The following LRRK1 variants were observed in gnomAD, a reference collection of about 807,000 sequenced individuals.
LRRK1 encodes the protein leucine rich repeat kinase 1, also known as leucine-rich repeat serine/threonine-protein kinase 1.
In LRRK1, 113 loss-of-function variants were observed where a neutral mutation model predicts 209.1. That is an observed-to-expected ratio of 0.54 (90% CI 0.46 to 0.63). LRRK1 has a LOEUF of 0.63. Ranked by LOEUF, LRRK1 falls within the 30% of genes least tolerant of loss-of-function variation. The pLI, the probability that LRRK1 is intolerant of heterozygous loss-of-function variation, is 0.00. For missense variants in LRRK1, 2,284 were observed against 2,632.2 expected, an observed-to-expected ratio of 0.87 and a Z score of 2.89; for synonymous variants, 1,144 against 1,099.7, an observed-to-expected ratio of 1.04 and a Z score of -0.80.
chr15:101,056,012 C>T (rs2035773755), intron 27 of LRRK1, among the ~76,000 whole-genome samples: 1 of 152,158 alleles, frequency 6.6e-6, no homozygotes, highest in Non-Finnish European at 1.5e-5. Flanking sequence ...AAAGGCAAAT[C>T]AGAGCAACAA....
chr15:100,976,154 T>C (rs988384137), intron 3 of LRRK1, among the ~76,000 whole-genome samples: 3 of 151,802 alleles, frequency 2.0e-5, no homozygotes, highest in East Asian at 3.8e-4. Flanking sequence ...CTTTCAACCA[T>C]GAAGGAAATA....
chr15:101,027,542 C>A lies in LRRK1; in HGVS notation c.2527-96C>A. On this transcript the variant is annotated intron_variant, in intron 18 of 33. Transcript: ENST00000388948. The surrounding 1 kb of genome is among the most constrained non-coding windows in gnomAD (Gnocchi z 5.1). The stretch of plus-strand genomic sequence containing the variant: ...TGGAAGATAGTGGGTGGAAACGTCC[C>A]ACCCCCTCAGGCCACAGGGGCCGGG... 1 of 1,513,792 alleles carries A rather than the reference C, an allele frequency of 6.6e-7. No homozygotes were observed. Among genetic ancestry groups the A allele is most frequent in the South Asian group, 1.3e-5 (1 of 79,608 alleles). 93.8% of individuals were successfully genotyped at this position (1,513,792 alleles called of 1,614,324 possible). A position where few individuals can be genotyped will look rare whatever the true frequency, so the allele number is the denominator to read the frequency against.
intron 2 of LRRK1, among the ~76,000 whole-genome samples, chr15:100,954,372 A>T (rs756568110): frequency 1.1e-4 from 17 of 152,134 alleles, no homozygotes; most frequent in Non-Finnish European, 2.2e-4. Flanking sequence ...CTATTAAATC[A>T]TATGGGTTCT....
rs566430782 is a variant in LRRK1, at chr15:101,043,902, A to T, written c.2964-2079A>T. The T allele has an allele frequency of 2.6e-5, 4 of 152,320 alleles. No individual in the cohort carries two copies. In the East Asian group the frequency reaches 7.7e-4, roughly 29 times the overall value. 9.4% of individuals were successfully genotyped at this position (152,320 alleles called of 1,614,324 possible). A position where few individuals can be genotyped will look rare whatever the true frequency, so the allele number is the denominator to read the frequency against. ...CATGGGAACAGCCACTGACAAATAC[A>T]TGTAAAATACTCAGAACAGTGTCTC... On this transcript the variant is annotated intron_variant, in intron 20 of 33. Transcript: ENST00000388948.
rs1417149517 is a variant in LRRK1 at position 100,983,587 on chromosome 15, C to T, written c.321C>T (p.Leu107=). The part of the protein sequence containing the change: ...YGDLEMVRYL[L]SKRLVELPTE... ...ATCTGGAGATGGTCCGCTACCTACT[C>T]AGCAAGAGACTGGTGGAGCTGCCCA... is the stretch of plus-strand genomic sequence containing the variant. The change falls in exon 4 of 34, where the codon CTC becomes CTT. Residue 107 remains leucine, a synonymous_variant. Transcript: ENST00000388948. 1 of 1,612,254 alleles carries T rather than the reference C, an allele frequency of 6.2e-7. No homozygotes were observed. The highest frequency in any genetic ancestry group is 1.1e-5 in the South Asian group (1 of 90,872).
At chr15:100,972,357 AGAGAGAGTGTGTGT>A (rs1019396088) in intron 2 of LRRK1, among the ~76,000 whole-genome samples, 5 of 95,972 alleles carry the variant, frequency 5.2e-5, no homozygotes, top group East Asian at 8.8e-4. Flanking sequence ...AGAGAGAGAG[AGAGAGAGTGTGTGT>A]GTGTGTGTGT....
chr15:100,970,257 C>T (rs2030775215), intron 2 of LRRK1, among the ~76,000 whole-genome samples: 1 of 152,184 alleles, frequency 6.6e-6, no homozygotes, highest in African/African-American at 2.4e-5. Flanking sequence ...GATTCCATGA[C>T]TTTGCTATTG....
At chr15:101,054,174 C>G (rs999265125) in intron 26 of LRRK1, among the ~76,000 whole-genome samples, 5 of 152,118 alleles carry the variant, frequency 3.3e-5, no homozygotes, top group Admixed American at 6.5e-5. Flanking sequence ...GGCCTTTCAC[C>G]CTGTTGCCCA....
Position 101,027,579 on chromosome 15 carries a change from C to A in LRRK1, c.2527-59C>A. The A allele has an allele frequency of 6.3e-7, 1 of 1,582,472 alleles. No individual in the cohort carries two copies. The highest frequency in any genetic ancestry group is 8.6e-7 in the Non-Finnish European group (1 of 1,164,786). Reference sequence around the variant, plus strand: ...CCACAGGGGCCGGGCAGGATCTGCCCAAGCTGGCAGGTGTGCCTTGGGACC... The same window carrying A: ...CCACAGGGGCCGGGCAGGATCTGCCAAAGCTGGCAGGTGTGCCTTGGGACC... On this transcript the variant is annotated intron_variant, in intron 18 of 33. Coordinates refer to ENST00000388948, the MANE Select transcript of LRRK1 (RefSeq NM_024652.6). The surrounding 1 kb of genome is among the most constrained non-coding windows in gnomAD (Gnocchi z 5.1).
intron 2 of LRRK1, among the ~76,000 whole-genome samples, chr15:100,931,274 A>G (rs1280998710): frequency 6.6e-6 from 1 of 152,196 alleles, no homozygotes; most frequent in East Asian, 1.9e-4. Flanking sequence ...CCTCCATTCA[A>G]CATCCAGCAC....
intron 3 of LRRK1, among the ~76,000 whole-genome samples, chr15:100,976,731 A>C (rs1056279799): frequency 1.3e-5 from 2 of 152,228 alleles, no homozygotes; most frequent in Non-Finnish European, 2.9e-5. Flanking sequence ...ATGTGTAAGG[A>C]TGTTCATTCA....
At chr15:100,961,982 AT>A (rs557788823) in intron 2 of LRRK1, among the ~76,000 whole-genome samples, 47 of 152,316 alleles carry the variant, frequency 3.1e-4, no homozygotes, top group African/African-American at 1.1e-3. Flanking sequence ...ACCTGTGCCA[AT>A]TTTTGTTCCA....
At position 101,076,141 on chromosome 15, in the gene LRRK1, C is replaced by T. The variant is rs1409454073; in HGVS notation, c.*7293C>T. Reference sequence around the variant, plus strand: ...GACCGCACCCTGTAGACCTTCTGTCCAAACAACTTGACCTTACTGTTTTAG... The same window carrying T: ...GACCGCACCCTGTAGACCTTCTGTCTAAACAACTTGACCTTACTGTTTTAG... On this transcript the variant is annotated 3_prime_UTR_variant, in exon 34 of 34. Coordinates refer to ENST00000388948, the MANE Select transcript of LRRK1 (RefSeq NM_024652.6). The T allele has an allele frequency of 1.3e-5, 2 of 152,158 alleles. No individual in the cohort carries two copies. Among genetic ancestry groups the T allele is most frequent in the Non-Finnish European group, 2.9e-5 (2 of 68,036 alleles). 9.4% of individuals were successfully genotyped at this position (152,158 alleles called of 1,614,324 possible). A position where few individuals can be genotyped will look rare whatever the true frequency, so the allele number is the denominator to read the frequency against.
chr15:100,972,957 T>C (rs552784813), intron 2 of LRRK1, among the ~76,000 whole-genome samples: 9 of 152,244 alleles, frequency 5.9e-5, no homozygotes, highest in Admixed American at 5.2e-4. Context: ...TGTACAATTT[T>C]AGGGTGTTCA....
intron 6 of LRRK1, among the ~76,000 whole-genome samples, chr15:101,002,007 A>ATT (rs1190470069): frequency 6.6e-6 from 1 of 152,198 alleles, no homozygotes; most frequent in African/African-American, 2.4e-5. Flanking sequence ...GGGGCCAGGA[A>ATT]TCGTTTTCGG....
At chr15:101,026,796 G>T (rs1435128175) in intron 17 of LRRK1, among the ~76,000 whole-genome samples, 1 of 152,208 alleles carries the variant, frequency 6.6e-6, no homozygotes, top group Non-Finnish European at 1.5e-5. Flanking sequence ...CCCTCGCCCG[G>T]GGCAGAGCGC....
At chr15:101,025,927 A>G in intron 16 of LRRK1, 38 bp from the exon 17 acceptor site, 1 of 1,610,490 alleles carries the variant, frequency 6.2e-7, no homozygotes, top group Non-Finnish European at 8.5e-7. Context: ...TGTTCCATGA[A>G]CAGAGACAGT....
intron 6 of LRRK1, among the ~76,000 whole-genome samples, chr15:101,007,366 T>C (rs971623429): frequency 6.6e-6 from 1 of 152,168 alleles, no homozygotes; most frequent in East Asian, 1.9e-4. Flanking sequence ...AGAAACCTGA[T>C]TGAGCCCAAT....
intron 6 of LRRK1, among the ~76,000 whole-genome samples, chr15:101,007,536 T>G (rs929448087): frequency 6.6e-6 from 1 of 152,190 alleles, no homozygotes; most frequent in Non-Finnish European, 1.5e-5. Flanking sequence ...GACATTTTGT[T>G]TAGCAGGACT....
Sources: gnomAD v4.1 joint callset for allele counts (sites outside exome capture counted in the v4.1 genomes callset) on GRCh38, gnomAD v4.1.1 for gene constraint, Gnocchi (gnomAD v3.1) non-coding constraint, MANE v1.5 for transcripts, NCBI Gene and HGNC (gene_info 2026-07-23, HGNC 2026-07-21) for gene names.